DCLK1: variants seen among roughly 807,000 people sequenced by gnomAD.
The protein encoded by DCLK1 is serine/threonine-protein kinase DCLK1.
A neutral mutation model predicts 86.2 loss-of-function variants in DCLK1; 16 were observed. The ratio of observed to expected loss-of-function variants is 0.19; its 90% CI spans 0.13 to 0.28. The LOEUF (loss-of-function observed/expected upper bound fraction) is 0.28. DCLK1 is among the 10% of genes least tolerant of loss of function. DCLK1 has a pLI of 1.00. For missense variants in DCLK1, 590 were observed against 940.2 expected, an observed-to-expected ratio of 0.63 and a Z score of 4.87; for synonymous variants, 369 against 370.5, an observed-to-expected ratio of 1.00 and a Z score of 0.05.
intron 3 of DCLK1, among the ~76,000 whole-genome samples, chr13:36,055,739 G>C (rs1354956437): frequency 6.6e-6 from 1 of 151,246 alleles, no homozygotes; most frequent in Non-Finnish European, 1.5e-5. Flanking sequence ...GCTTGCCAGA[G>C]TGCACTGATG....
intron 3 of DCLK1, among the ~76,000 whole-genome samples, chr13:35,957,884 A>G (rs1176097411): frequency 7.6e-5 from 3 of 39,328 alleles, no homozygotes; most frequent in Non-Finnish European, 1.6e-4. Context: ...CAAAGCTGAC[A>G]TTTCCAAAAT....
At chr13:35,838,566 A>G (rs1869561713) in intron 7 of DCLK1, among the ~76,000 whole-genome samples, 1 of 152,194 alleles carries the variant, frequency 6.6e-6, no homozygotes, top group Non-Finnish European at 1.5e-5. Context: ...TGGAATCCTG[A>G]TCATTTGACC....
intron 11 of DCLK1, among the ~76,000 whole-genome samples, chr13:35,813,422 C>T (rs2087192994): frequency 6.6e-6 from 1 of 152,090 alleles, no homozygotes; most frequent in Non-Finnish European, 1.5e-5. Flanking sequence ...TTGTAATTCT[C>T]CTATATGTAG....
At chr13:35,973,937 G>C (rs149278610) in intron 3 of DCLK1, among the ~76,000 whole-genome samples, 158 of 152,302 alleles carry the variant, frequency 1.0e-3, no homozygotes, top group Non-Finnish European at 1.2e-3. Flanking sequence ...GATGATGTCA[G>C]TGAGGTTTGG....
At chr13:35,891,268 A>G in intron 4 of DCLK1, among the ~76,000 whole-genome samples, 1 of 152,194 alleles carries the variant, frequency 6.6e-6, no homozygotes, top group East Asian at 1.9e-4. Flanking sequence ...TTTTTTTAAA[A>G]AAAACAGTTG....
At chr13:35,819,499 C>T (rs984239893) in intron 11 of DCLK1, among the ~76,000 whole-genome samples, 9 of 152,148 alleles carry the variant, frequency 5.9e-5, no homozygotes, top group African/African-American at 2.2e-4. Context: ...AAATACTTTG[C>T]TAGTTATAAC....
At chr13:35,914,680 C>T (rs975698697) in intron 4 of DCLK1, among the ~76,000 whole-genome samples, 11 of 150,316 alleles carry the variant, frequency 7.3e-5, no homozygotes, top group Non-Finnish European at 1.5e-4. Context: ...CACACCACTG[C>T]ACTCCAGCCT....
At chr13:36,101,510 C>T (rs909587152) in intron 3 of DCLK1, among the ~76,000 whole-genome samples, 1 of 152,186 alleles carries the variant, frequency 6.6e-6, no homozygotes, top group African/African-American at 2.4e-5. Context: ...AGCCGGGGTT[C>T]GCCGTCTTTA....
chr13:35,986,119 T>C (rs1404286496), intron 3 of DCLK1, among the ~76,000 whole-genome samples: 2 of 151,522 alleles, frequency 1.3e-5, no homozygotes, highest in Non-Finnish European at 2.9e-5. Flanking sequence ...CTGACCAACA[T>C]GGTAAAATCC....
chr13:35,920,737 G>A (rs974958998), intron 4 of DCLK1, among the ~76,000 whole-genome samples: 3 of 152,082 alleles, frequency 2.0e-5, no homozygotes, highest in Non-Finnish European at 2.9e-5. Context: ...GGGGTGGGAG[G>A]TGCCGGGAGG....
intron 4 of DCLK1, among the ~76,000 whole-genome samples, chr13:35,946,868 C>A (rs765349219): frequency 1.2e-4 from 18 of 152,094 alleles, no homozygotes; most frequent in Non-Finnish European, 2.2e-4. Flanking sequence ...TGGAAGGAAG[C>A]TAACTTCTCT....
chr13:35,851,050 G>A (rs568345839), intron 6 of DCLK1, among the ~76,000 whole-genome samples: 3 of 152,220 alleles, frequency 2.0e-5, no homozygotes, highest in Admixed American at 2.0e-4. Flanking sequence ...GGCCCCTGAG[G>A]TCTGTAAAGG....
chr13:35,810,823 A>G lies in DCLK1; in HGVS notation c.1688+12T>C, dbSNP rs2087126507. 6.2e-7 allele frequency: 1 copy of G among 1,612,760 alleles called. No homozygotes were observed. Among genetic ancestry groups the G allele is most frequent in the African/African-American group, 1.3e-5 (1 of 74,984 alleles). Reference sequence around the variant, plus strand: ...TGCAAGCATAGCACTTAAACATAAGAGAAGCATTTACCCAGTCTCTGCAAT... The same window carrying G: ...TGCAAGCATAGCACTTAAACATAAGGGAAGCATTTACCCAGTCTCTGCAAT... On this transcript the variant is annotated intron_variant, in intron 12 of 16. Coordinates refer to ENST00000360631, the MANE Select transcript of DCLK1 (RefSeq NM_001330071.2).
chr13:35,870,881 A>G (rs1872227391), intron 5 of DCLK1, among the ~76,000 whole-genome samples: 1 of 152,240 alleles, frequency 6.6e-6, no homozygotes, highest in African/African-American at 2.4e-5. Context: ...GAAACTCTTC[A>G]TAGGCCAGTC....
chr13:36,080,771 G>A (rs191824688), intron 3 of DCLK1, among the ~76,000 whole-genome samples: 4 of 152,288 alleles, frequency 2.6e-5, no homozygotes, highest in Admixed American at 1.3e-4. Flanking sequence ...TCTCTGTGAT[G>A]AGGAATCCCT....
intron 3 of DCLK1, among the ~76,000 whole-genome samples, chr13:35,994,113 A>G (rs1880371806): frequency 6.6e-6 from 1 of 152,180 alleles, no homozygotes; most frequent in Admixed American, 6.5e-5. Context: ...GCTTCCAAAA[A>G]AAAAAAAAAA....
At chr13:35,896,538 C>CAT (rs1873999974) in intron 4 of DCLK1, among the ~76,000 whole-genome samples, 1 of 42,578 alleles carries the variant, frequency 2.3e-5, no homozygotes, top group Non-Finnish European at 3.9e-5. Flanking sequence ...AATTCCACCT[C>CAT]AAAAAAAAAA....
chr13:36,062,244 C>G (rs1883578551), intron 3 of DCLK1, among the ~76,000 whole-genome samples: 1 of 152,144 alleles, frequency 6.6e-6, no homozygotes. Flanking sequence ...TTTTGAACTT[C>G]ACTCATCAAT....
chr13:35,931,288 A>G (rs1434574004), intron 4 of DCLK1, among the ~76,000 whole-genome samples: 2 of 152,192 alleles, frequency 1.3e-5, no homozygotes, highest in African/African-American at 4.8e-5. Context: ...TTGGATGCTT[A>G]AAGTTCTTAA....
Sources: allele counts gnomAD v4.1 joint callset (sites outside exome capture counted in the v4.1 genomes callset), GRCh38; gene constraint gnomAD v4.1.1; transcripts MANE v1.5; gene names NCBI Gene and HGNC (gene_info 2026-07-23, HGNC 2026-07-21).